The following EPN3 variants were observed in gnomAD, a reference collection of about 807,000 sequenced individuals.
EPN3 encodes epsin-3.
A neutral mutation model predicts 55.5 loss-of-function variants in EPN3; 56 were observed. That is an observed-to-expected ratio of 1.01 (90% CI 0.81 to 1.26). The LOEUF (loss-of-function observed/expected upper bound fraction) is 1.26. Among genes scored for constraint, EPN3 ranks in the 50% most tolerant of loss-of-function variants. EPN3 has a pLI of 0.00. For synonymous variants in EPN3, 449 were observed against 375.2 expected, an observed-to-expected ratio of 1.20 and a Z score of -2.27; for missense variants, 927 against 853.4, an observed-to-expected ratio of 1.09 and a Z score of -1.07.
chr17:50,538,325 A>T, intron 3 of EPN3, 128 bp downstream of exon 3: 1 of 677,018 alleles, frequency 1.5e-6, no homozygotes, highest in South Asian at 1.9e-5. Flanking sequence ...GGACAGCACA[A>T]GACCCATTAT....
chr17:50,533,936 C>T (rs1466525694), intron 1 of EPN3, among the ~76,000 whole-genome samples: 2 of 152,202 alleles, frequency 1.3e-5, no homozygotes, highest in South Asian at 2.1e-4. Flanking sequence ...CTACCGCCAC[C>T]GCCTTATCGG....
intron 2 of EPN3, chr17:50,537,834 C>A (rs2034786762): frequency 2.2e-6 from 1 of 458,648 alleles, no homozygotes; most frequent in Admixed American, 4.0e-5. Context: ...GCTTCAGGAA[C>A]CTGGTCAGGG....
chr17:50,538,326 G>A lies in EPN3; in HGVS notation c.681+129G>A. 8.9e-6 allele frequency: 6 copies of A among 675,364 alleles called. No homozygotes were observed. In the South Asian group the frequency reaches 9.4e-5, roughly 11 times the overall value. The allele number at this position is 675,364 out of a possible 1,614,324, so 41.8% of individuals were successfully genotyped here. ...AGTCCTGTGCCCAAGGACAGCACAA[G>A]ACCCATTATCTCTGTCGGTTTGTCG... On this transcript the variant is annotated intron_variant, in intron 3 of 9. Coordinates refer to ENST00000268933, the MANE Select transcript of EPN3 (RefSeq NM_017957.3).
intron 2 of EPN3, 195 bp downstream of exon 2, chr17:50,537,313 T>A: frequency 1.6e-6 from 1 of 609,736 alleles, no homozygotes; most frequent in South Asian, 2.2e-5. Flanking sequence ...ATAATAACGT[T>A]GTTATAGATT....
chr17:50,532,908 C>G lies in EPN3; in HGVS notation c.-214C>G, dbSNP rs1001303235. The G allele has an allele frequency of 3.0e-5, 38 of 1,285,016 alleles. No individual in the cohort carries two copies. The highest frequency in any genetic ancestry group is 3.6e-5 in the Non-Finnish European group (36 of 987,216). 79.6% of individuals were successfully genotyped at this position (1,285,016 alleles called of 1,614,324 possible). On this transcript the variant is annotated 5_prime_UTR_variant, in exon 1 of 10. Coordinates refer to ENST00000268933, the MANE Select transcript of EPN3 (RefSeq NM_017957.3). ...GGAGACGCTCCCGAGGCTGTGCCGT[C>G]CCGCTGCTGCACAGGTCGGAGGGTC... is the stretch of plus-strand genomic sequence containing the variant.
At chr17:50,537,405 C>T (rs913172121) in intron 2 of EPN3, 6 of 471,374 alleles carry the variant, frequency 1.3e-5, no homozygotes, top group South Asian at 1.2e-4. Context: ...CTATATTCTG[C>T]TTCCTCCAAG....
rs530421506 is a variant in EPN3, at chr17:50,534,640, T to C, written c.-137+1655T>C. 2.7e-5 allele frequency: 27 copies of C among 985,418 alleles called. No individual in the cohort carries two copies. In the South Asian group the frequency reaches 9.4e-4, roughly 34 times the overall value. The allele number at this position is 985,418 out of a possible 1,614,324, so 61.0% of individuals were successfully genotyped here. On this transcript the variant is annotated intron_variant, in intron 1 of 9. Transcript: ENST00000268933. ...CCACGACCCGCTGGAAGGAAAGAGA[T>C]AGCAGACAAAAGGTAGGCTGCGCTG...
At chr17:50,538,598 G>A in intron 3 of EPN3, 1 of 434,564 alleles carries the variant, frequency 2.3e-6, no homozygotes, top group Non-Finnish European at 4.1e-6. Context: ...TACCTCTGTG[G>A]ATCCAGGAAG....
chr17:50,532,764 A>T lies in EPN3; in HGVS notation c.-358A>T. The T allele has an allele frequency of 1.5e-6, 1 of 668,416 alleles. No individual in the cohort carries two copies. Among genetic ancestry groups the T allele is most frequent in the South Asian group, 1.6e-5 (1 of 61,342 alleles). 41.4% of individuals were successfully genotyped at this position (668,416 alleles called of 1,614,324 possible). On this transcript the variant is annotated 5_prime_UTR_variant, in exon 1 of 10. Transcript: ENST00000268933. ...TGCTGCCTGGCGCTGGCTAGGAGGC[A>T]AACGCACGCGGGAAGAGCTGCTACC...
In EPN3 at chr17:50,534,552, G is replaced by A. The variant is rs563469083; in HGVS notation, c.-137+1567G>A. 20 of 985,508 alleles carry A rather than the reference G, an allele frequency of 2.0e-5. No homozygotes were observed. In the South Asian group the frequency reaches 8.5e-4, roughly 42 times the overall value. The allele number at this position is 985,508 out of a possible 1,614,324, so 61.0% of individuals were successfully genotyped here. ...GTTGGGGAGGTGAAGGCAGGTCTGA[G>A]TCACTAGCAAGGGGGAGGGCAGGAG... On this transcript the variant is annotated intron_variant, in intron 1 of 9. Coordinates refer to ENST00000268933, the MANE Select transcript of EPN3 (RefSeq NM_017957.3).
intron 8 of EPN3, 38 bp downstream of exon 8, chr17:50,541,371 G>A: frequency 6.2e-7 from 1 of 1,608,072 alleles, no homozygotes; most frequent in South Asian, 1.1e-5. Flanking sequence ...TCTGGGGAAT[G>A]AGGGGCCCAC....
chr17:50,540,845 C>T lies in EPN3; in HGVS notation c.1032C>T (p.Asp344=), dbSNP rs771283085. The T allele has an allele frequency of 1.9e-5, 30 of 1,613,898 alleles. 1 individual carries two copies. Among genetic ancestry groups the T allele is most frequent in the African/African-American group, 8.0e-5 (6 of 74,910 alleles). ...ASGSSWGPSA[D]PWSPIPSGTV... The stretch of plus-strand genomic sequence containing the variant: ...GATCCTCCTGGGGGCCTTCTGCAGA[C>T]CCCTGGTCTCCGATCCCCTCAGGAA... Residue 344 remains aspartate, a synonymous_variant, in exon 7 of 10, where the codon GAC becomes GAT. Transcript: ENST00000268933.
Position 50,541,902 on chromosome 17 carries a change from G to A in EPN3, c.1644G>A (p.Thr548=), listed in dbSNP as rs1250334265. The change falls in exon 10 of 10, where the codon ACG becomes ACA. Residue 548 remains threonine, a synonymous_variant. Coordinates refer to ENST00000268933, the MANE Select transcript of EPN3 (RefSeq NM_017957.3). ...GCGCGGGCGAGCCGGGCAGGCCGACGCTAAACCAGATGCGCACCGGCTCGC... is the reference window on the plus strand; with the variant it reads ...GCGCGGGCGAGCCGGGCAGGCCGACACTAAACCAGATGCGCACCGGCTCGC... The part of the protein sequence containing the change: ...PFGAGEPGRP[T]LNQMRTGSPA... The A allele has an allele frequency of 6.2e-7, 1 of 1,605,360 alleles. No homozygotes were observed. Among genetic ancestry groups the A allele is most frequent in the African/African-American group, 1.3e-5 (1 of 75,058 alleles).
chr17:50,542,116 C>A lies in EPN3; in HGVS notation c.1858C>A (p.Arg620=), dbSNP rs921695564. 1.3e-6 allele frequency: 2 copies of A among 1,528,910 alleles called. No individual in the cohort carries two copies. The highest frequency in any genetic ancestry group is 2.9e-5 in the African/African-American group (2 of 70,152). 94.7% of individuals were successfully genotyped at this position (1,528,910 alleles called of 1,614,324 possible). Residue 620 remains arginine, a synonymous_variant, in exon 10 of 10, where the codon CGG becomes AGG. Coordinates refer to ENST00000268933, the MANE Select transcript of EPN3 (RefSeq NM_017957.3). ...LLPTPSSAGP[R]PPPPQTGTNP... ...GCCCACGCCGAGCTCAGCCGGGCCG[C>A]GGCCCCCGCCCCCGCAGACCGGCAC... is the stretch of plus-strand genomic sequence containing the variant.
chr17:50,541,911 G>A lies in EPN3; in HGVS notation c.1653G>A (p.Gln551=), dbSNP rs111678638. 0.1 allele frequency: 161,288 copies of A among 1,603,380 alleles called. 9,295 individuals carry two copies. The highest frequency in any genetic ancestry group is 0.12 in the Non-Finnish European group (139,151 of 1,179,204). The change falls in exon 10 of 10, where the codon CAG becomes CAA. Residue 551 remains glutamine (Q), a synonymous_variant. Coordinates refer to ENST00000268933, the MANE Select transcript of EPN3 (RefSeq NM_017957.3). ...AGEPGRPTLN[Q]MRTGSPALGL... ...AGCCGGGCAGGCCGACGCTAAACCAGATGCGCACCGGCTCGCCGGCGCTGG... is the reference window on the plus strand; with the variant it reads ...AGCCGGGCAGGCCGACGCTAAACCAAATGCGCACCGGCTCGCCGGCGCTGG...
In EPN3 at chr17:50,541,998, C is replaced by T. The variant is rs767331815; in HGVS notation, c.1740C>T (p.Pro580=). 2 of 1,598,492 alleles carry T rather than the reference C, an allele frequency of 1.3e-6. No individual in the cohort carries two copies. Among genetic ancestry groups the T allele is most frequent in the Admixed American group, 1.7e-5 (1 of 59,890 alleles). ...CCATGACCTACAGCGCCTCTCTGCC[C>T]CTCCCGCTCAGCAGCGTGCCAGCTG... ...LGSMTYSASL[P]LPLSSVPAGL... Residue 580 remains proline, a synonymous_variant, in exon 10 of 10, where the codon CCC becomes CCT. Coordinates refer to ENST00000268933, the MANE Select transcript of EPN3 (RefSeq NM_017957.3).
rs1170599152 is a variant in EPN3, at chr17:50,541,897, C to A, written c.1639C>A (p.Pro547Thr). The change falls in exon 10 of 10, where the codon CCG becomes ACG. Residue 547 changes from proline to threonine, a missense_variant. By Grantham distance (38) the Pro-to-Thr change is conservative. Coordinates refer to ENST00000268933, the MANE Select transcript of EPN3 (RefSeq NM_017957.3). ...NPFGAGEPGRPTLNQMRTGSP... is the reference protein window; with the variant it reads ...NPFGAGEPGRTTLNQMRTGSP... ...GTTCGGCGCGGGCGAGCCGGGCAGGCCGACGCTAAACCAGATGCGCACCGG... is the reference window on the plus strand; with the variant it reads ...GTTCGGCGCGGGCGAGCCGGGCAGGACGACGCTAAACCAGATGCGCACCGG... 2 of 1,605,726 alleles carry A rather than the reference C, an allele frequency of 1.2e-6. No homozygotes were observed. The highest frequency in any genetic ancestry group is 1.6e-4 in the Middle Eastern group (1 of 6,062).
At position 50,536,797 on chromosome 17, in the gene EPN3, C is replaced by T; in HGVS notation, c.241C>T (p.Leu81=). The T allele has an allele frequency of 6.2e-7, 1 of 1,614,206 alleles. No homozygotes were observed. The highest frequency in any genetic ancestry group is 8.5e-7 in the Non-Finnish European group (1 of 1,180,046). ...GCACGTGTACAAGGCTCTAACATTG[C>T]TGGACTACCTGCTCAAGACGGGCTC... The part of the protein sequence containing the change: ...WRHVYKALTL[L]DYLLKTGSER... The change falls in exon 2 of 10, where the codon CTG becomes TTG. Residue 81 remains leucine (L), a synonymous_variant. Transcript: ENST00000268933.
intron 9 of EPN3, 42 bp from the exon 10 acceptor site, chr17:50,541,802 G>C (rs911216888): frequency 2.5e-6 from 4 of 1,610,266 alleles, no homozygotes; most frequent in Admixed American, 1.7e-5. Flanking sequence ...CCGGTGTAGG[G>C]CTCTGAACCC....
Sources: allele counts gnomAD v4.1 joint callset (sites outside exome capture counted in the v4.1 genomes callset), GRCh38; gene constraint gnomAD v4.1.1; transcripts MANE v1.5; gene names NCBI Gene and HGNC (gene_info 2026-07-23, HGNC 2026-07-21).